KLF12: variants seen among roughly 807,000 people sequenced by gnomAD.
The protein encoded by KLF12 is Krueppel-like factor 12.
Under a neutral mutation model 37.8 loss-of-function variants are expected in KLF12, and 9 were observed. The observed-to-expected ratio is 0.24, with a 90% CI of 0.14 to 0.42. The LOEUF is 0.42. KLF12 is among the 10% of genes least tolerant of loss of function. The pLI is 1.00. For missense variants in KLF12, 411 were observed against 516.0 expected (o/e 0.80, Z 1.97); for synonymous variants, 208 against 202.1 (o/e 1.03, Z -0.25).
chr13:74,069,870 A>AT (rs918333836), intron 1 of KLF12, among the ~76,000 whole-genome samples: 1 of 152,246 alleles, frequency 6.6e-6, no homozygotes, highest in African/African-American at 2.4e-5. Context: ...AGATTCATTA[A>AT]TAAAAATAGG....
At chr13:73,847,158 A>G (rs1288198066) in intron 3 of KLF12, among the ~76,000 whole-genome samples, 1 of 152,132 alleles carries the variant, frequency 6.6e-6, no homozygotes, top group Non-Finnish European at 1.5e-5. Context: ...TCATATATCT[A>G]TTCATTCATA....
intron 3 of KLF12, among the ~76,000 whole-genome samples, chr13:73,873,663 A>G (rs1594198313): frequency 6.6e-6 from 1 of 152,166 alleles, no homozygotes; most frequent in African/African-American, 2.4e-5. Context: ...TCTTTAGTGA[A>G]CTATTTTATT....
rs142138820 is a variant in KLF12, at chr13:73,738,992, T to A, written c.870-23467A>T. ...GCTCATGCCTGTATTTCCAGCACTT[T>A]GGAAGGCCGAGGTGGGTGGATCACT... On this transcript the variant is annotated intron_variant, in intron 6 of 7. Coordinates refer to ENST00000377669, the MANE Select transcript of KLF12 (RefSeq NM_007249.5). Among the ~76,000 whole-genome samples the A allele has an allele frequency of 3.7e-3, 570 of 152,256 alleles. 2 individuals are homozygous for A. Among genetic ancestry groups the A allele is most frequent in the African/African-American group, 0.013 (549 of 41,560 alleles).
chr13:74,133,702 G>T (rs557023610), intron 1 of KLF12, among the ~76,000 whole-genome samples: 2 of 151,506 alleles, frequency 1.3e-5, no homozygotes, highest in African/African-American at 2.4e-5. Flanking sequence ...AGAGGAGGGG[G>T]TTGTTTATTT....
chr13:73,784,750 C>T (rs1291673864), intron 5 of KLF12, among the ~76,000 whole-genome samples: 1 of 151,612 alleles, frequency 6.6e-6, no homozygotes. Context: ...CCTGCCTCAT[C>T]CTCCTGAGTA....
the KLF12 span, among the ~76,000 whole-genome samples, chr13:74,221,817 G>A: frequency 6.6e-6 from 1 of 152,124 alleles, no homozygotes; most frequent in African/African-American, 2.4e-5. Flanking sequence ...GTTGTTTTAG[G>A]GCAATTTCCT....
intron 4 of KLF12, among the ~76,000 whole-genome samples, chr13:73,833,576 ATG>A (rs1322451866): frequency 6.6e-6 from 1 of 152,034 alleles, no homozygotes; most frequent in Non-Finnish European, 1.5e-5. Flanking sequence ...AGAAAAGATG[ATG>A]TGTGTGTGTT....
At chr13:73,929,908 G>C (rs1047199925) in intron 3 of KLF12, among the ~76,000 whole-genome samples, 1 of 152,112 alleles carries the variant, frequency 6.6e-6, no homozygotes, top group Non-Finnish European at 1.5e-5. Flanking sequence ...AAAAAATAAA[G>C]ATTCTATCTT....
At chr13:73,703,952 A>C (rs1174698662) in intron 7 of KLF12, among the ~76,000 whole-genome samples, 2 of 152,240 alleles carry the variant, frequency 1.3e-5, no homozygotes, top group Non-Finnish European at 2.9e-5. Flanking sequence ...GTGAACTAAA[A>C]TATCCCATAA....
chr13:73,692,999 TGCCTGTC>T lies in KLF12; in HGVS notation c.*2484_*2490del, dbSNP rs1343050239. On this transcript the variant is annotated 3_prime_UTR_variant, in exon 8 of 8. Transcript: ENST00000377669. The stretch of plus-strand genomic sequence containing the variant: ...AAGCTGTCACTCAGGAAGATTCCCC[TGCCTGTC>T]AGTTTTATGAATTCTAAAAACCAAG... 1.3e-5 allele frequency: 2 copies of T among 152,356 alleles called. No individual in the cohort carries two copies. The highest frequency in any genetic ancestry group is 3.9e-4 in the East Asian group (2 of 5,178). The allele number at this position is 152,356 out of a possible 1,614,324, so 9.4% of individuals were successfully genotyped here.
chr13:73,695,692 C>T, intron 7 of KLF12, 21 bp from the exon 8 acceptor site: 6 of 1,611,130 alleles, frequency 3.7e-6, no homozygotes, highest in Non-Finnish European at 4.2e-6. Flanking sequence ...CAAAGGAACA[C>T]AAGCTTTGGT....
At chr13:74,112,188 A>G (rs1877007383) in intron 1 of KLF12, among the ~76,000 whole-genome samples, 1 of 134,502 alleles carries the variant, frequency 7.4e-6, no homozygotes. Flanking sequence ...ATAAACGTTT[A>G]TGTGTGTGTG....
rs1879812475 is a variant in KLF12, at chr13:73,764,972, G to A, written c.835C>T (p.Arg279Trp). Residue 279 changes from arginine to tryptophan, a missense_variant, in exon 6 of 8, where the codon CGG becomes TGG. This residue lies in a region of KLF12 where 351 missense variants were observed against 397.8 expected (regional missense o/e 0.88). Coordinates refer to ENST00000377669, the MANE Select transcript of KLF12 (RefSeq NM_007249.5). ...TTTTGATTATTCATTCGATTGCCCC[G>A]GACCCTTGATACTGGGGACGGATGT... 2 of 1,572,480 alleles carry A rather than the reference G, an allele frequency of 1.3e-6. No individual in the cohort carries two copies. Among genetic ancestry groups the A allele is most frequent in the African/African-American group, 1.3e-5 (1 of 74,348 alleles).
Position 73,693,668 on chromosome 13 carries a change from TA to T in KLF12, c.*1821del, listed in dbSNP as rs1873942936. The T allele has an allele frequency of 6.6e-6, 1 of 152,604 alleles. No individual in the cohort carries two copies. The highest frequency in any genetic ancestry group is 2.4e-5 in the African/African-American group (1 of 41,444). 9.5% of individuals were successfully genotyped at this position (152,604 alleles called of 1,614,324 possible). A position where few individuals can be genotyped will look rare whatever the true frequency, so the allele number is the denominator to read the frequency against. The stretch of plus-strand genomic sequence containing the variant: ...AATTATTTCAGAATGTCCAGACATT[TA>T]AAAATGAGCTAGTAATATTGTGAGG... On this transcript the variant is annotated 3_prime_UTR_variant, in exon 8 of 8. Transcript: ENST00000377669.
rs990830136 is a variant in KLF12, at chr13:73,689,297, T to C, written c.*6193A>G. The C allele has an allele frequency of 6.6e-6, 1 of 152,082 alleles. No homozygotes were observed. The highest frequency in any genetic ancestry group is 1.5e-5 in the Non-Finnish European group (1 of 68,016). 9.4% of individuals were successfully genotyped at this position (152,082 alleles called of 1,614,324 possible). A position where few individuals can be genotyped will look rare whatever the true frequency, so the allele number is the denominator to read the frequency against. ...ATTGGGAGGAGAAAACAGTGGATGT[T>C]TTTTTGAGGCCTGTGGTCTGAGTCC... On this transcript the variant is annotated 3_prime_UTR_variant, in exon 8 of 8. Coordinates refer to ENST00000377669, the MANE Select transcript of KLF12 (RefSeq NM_007249.5).
the KLF12 span, among the ~76,000 whole-genome samples, chr13:74,275,635 C>T: frequency 5.0e-4 from 76 of 151,438 alleles, no homozygotes; most frequent in Admixed American, 8.5e-4. Flanking sequence ...TGGACAGATT[C>T]CTTGTTACTA....
At chr13:74,288,573 C>A in the KLF12 span, among the ~76,000 whole-genome samples, 2 of 152,042 alleles carry the variant, frequency 1.3e-5, no homozygotes, top group Admixed American at 1.3e-4. Flanking sequence ...AGTGGTTTGC[C>A]AAGGTAGGGC....
chr13:73,722,234 C>A (rs1234554029), intron 6 of KLF12, among the ~76,000 whole-genome samples: 1 of 152,138 alleles, frequency 6.6e-6, no homozygotes, highest in Non-Finnish European at 1.5e-5. Context: ...ATCATCAAGA[C>A]CACAAGCAGA....
chr13:73,878,232 CA>C (rs1358968552), intron 3 of KLF12, among the ~76,000 whole-genome samples: 1 of 152,064 alleles, frequency 6.6e-6, no homozygotes, highest in Admixed American at 6.5e-5. Flanking sequence ...ATCTATTCCA[CA>C]ACCTCTCTTC....
Sources: allele counts gnomAD v4.1 joint callset (sites outside exome capture counted in the v4.1 genomes callset), GRCh38; gene constraint gnomAD v4.1.1; regional missense constraint gnomAD v4.1.1; transcripts MANE v1.5; gene names NCBI Gene and HGNC (gene_info 2026-07-23, HGNC 2026-07-21).